Variants in IKZF2 observed in about 807,000 individuals in gnomAD.
The protein encoded by IKZF2 is zinc finger protein Helios.
IKZF2 carries 15 observed loss-of-function variants against 49.2 expected under a neutral mutation model. That is an observed-to-expected ratio of 0.30 (90% CI 0.20 to 0.47). The LOEUF is 0.47. Among genes scored for constraint, IKZF2 ranks in the 20% least tolerant of loss-of-function variants. The probability of loss-of-function intolerance (pLI) is 1.00; values close to 1 mark genes in which losing one functional copy is unlikely to be tolerated. For synonymous variants in IKZF2, 227 were observed against 221.4 expected, an observed-to-expected ratio of 1.03 and a Z score of -0.23; for missense variants, 567 against 664.6, an observed-to-expected ratio of 0.85 and a Z score of 1.61.
intron 5 of IKZF2, among the ~76,000 whole-genome samples, chr2:213,052,159 T>C (rs1465085157): frequency 6.6e-6 from 1 of 152,038 alleles, no homozygotes. Context: ...CAAATCTTTT[T>C]AATAAGAAAT....
chr2:213,015,121 T>C (rs1564610), intron 7 of IKZF2: 85,291 of 151,738 alleles, frequency 0.56, 24,789 homozygotes, highest in East Asian at 0.81. Flanking sequence ...CACAATTCAG[T>C]TGATGTATTT....
At chr2:213,019,332 C>A (rs1171893011) in intron 7 of IKZF2, among the ~76,000 whole-genome samples, 3 of 152,110 alleles carry the variant, frequency 2.0e-5, no homozygotes, top group Non-Finnish European at 4.4e-5. Flanking sequence ...AAATAACATA[C>A]AGCAAGAGAA....
chr2:213,055,425 T>C (rs1439906983), intron 5 of IKZF2, among the ~76,000 whole-genome samples: 2 of 151,602 alleles, frequency 1.3e-5, no homozygotes, highest in Non-Finnish European at 2.9e-5. Context: ...AATATAAATA[T>C]TTTTAAAACA....
At chr2:213,038,523 C>T (rs140044161) in intron 6 of IKZF2, among the ~76,000 whole-genome samples, 3 of 151,646 alleles carry the variant, frequency 2.0e-5, no homozygotes, top group Non-Finnish European at 4.4e-5. Flanking sequence ...TTATACAAAA[C>T]ATTTTGCATG....
intron 6 of IKZF2, among the ~76,000 whole-genome samples, chr2:213,027,831 T>C (rs1436115027): frequency 7.2e-5 from 11 of 152,154 alleles, no homozygotes; most frequent in Non-Finnish European, 1.5e-4. Flanking sequence ...CAGTTTGTCC[T>C]TGATGTTCTG....
upstream of IKZF2, chr2:213,152,079 GC>G (rs898060781): frequency 2.0e-5 from 3 of 152,156 alleles, no homozygotes; most frequent in African/African-American, 7.2e-5. Context: ...TTCCGAGTGT[GC>G]CACGGCGACC....
intron 4 of IKZF2, among the ~76,000 whole-genome samples, chr2:213,093,363 T>G (rs1705572697): frequency 6.6e-6 from 1 of 152,124 alleles, no homozygotes; most frequent in South Asian, 2.1e-4. Flanking sequence ...GTGAACATAT[T>G]ATAAAAGCCA....
At chr2:213,014,622 A>G (rs930847931) in intron 7 of IKZF2, 12 of 152,044 alleles carry the variant, frequency 7.9e-5, no homozygotes, top group African/African-American at 1.2e-4. Flanking sequence ...TACTGCCCTA[A>G]TTCATTTGAC....
At chr2:213,088,204 G>A (rs576909835) in intron 4 of IKZF2, among the ~76,000 whole-genome samples, 239 of 152,296 alleles carry the variant, frequency 1.6e-3, no homozygotes, top group Middle Eastern at 6.8e-3. Flanking sequence ...CATTCTAACT[G>A]GTGTGAGATG....
At chr2:213,010,459 G>A (rs1433588567) in intron 8 of IKZF2, among the ~76,000 whole-genome samples, 1 of 152,062 alleles carries the variant, frequency 6.6e-6, no homozygotes, top group Non-Finnish European at 1.5e-5. Flanking sequence ...CCAAGGGAAT[G>A]TGCTGATCTG....
chr2:213,089,093 TC>T (rs1167879394), intron 4 of IKZF2, among the ~76,000 whole-genome samples: 3 of 152,216 alleles, frequency 2.0e-5, no homozygotes, highest in African/African-American at 7.2e-5. Flanking sequence ...GGAATGACTC[TC>T]AAGCTTCACC....
At chr2:213,031,735 C>T (rs1348228761) in intron 6 of IKZF2, among the ~76,000 whole-genome samples, 2 of 152,124 alleles carry the variant, frequency 1.3e-5, no homozygotes, top group Non-Finnish European at 2.9e-5. Flanking sequence ...TATTTTATTG[C>T]TTATTTTGAA....
At chr2:213,069,243 G>C (rs1702455296) in intron 4 of IKZF2, among the ~76,000 whole-genome samples, 1 of 152,048 alleles carries the variant, frequency 6.6e-6, no homozygotes, top group South Asian at 2.1e-4. Context: ...CAGCTACCTT[G>C]ATCCCTGTGA....
chr2:213,023,081 G>T (rs1262191344), intron 6 of IKZF2, among the ~76,000 whole-genome samples: 1 of 152,138 alleles, frequency 6.6e-6, no homozygotes, highest in Non-Finnish European at 1.5e-5. Context: ...ACCCCAGGTG[G>T]TCTGTGCCAA....
chr2:213,129,859 G>C (rs2060415257), intron 4 of IKZF2, among the ~76,000 whole-genome samples: 1 of 152,176 alleles, frequency 6.6e-6, no homozygotes, highest in Non-Finnish European at 1.5e-5. Flanking sequence ...TAGAAGCAGA[G>C]CCAAGGATTT....
intron 6 of IKZF2, among the ~76,000 whole-genome samples, chr2:213,028,657 A>G (rs1383165280): frequency 6.6e-6 from 1 of 152,146 alleles, no homozygotes; most frequent in East Asian, 1.9e-4. Flanking sequence ...CTAAATTCCA[A>G]TGTCCAACTG....
At chr2:213,024,301 A>ATTTT (rs1697552523) in intron 6 of IKZF2, among the ~76,000 whole-genome samples, 1 of 152,170 alleles carries the variant, frequency 6.6e-6, no homozygotes, top group African/African-American at 2.4e-5. Flanking sequence ...TGCTCTGGAG[A>ATTTT]CAATCTATCC....
At chr2:213,146,777 G>A (rs971302301) in intron 4 of IKZF2, among the ~76,000 whole-genome samples, 10 of 141,372 alleles carry the variant, frequency 7.1e-5, no homozygotes, top group African/African-American at 2.1e-4. Flanking sequence ...GGGAAGGAAA[G>A]AGAATGCCTT....
rs971888028 is a variant in IKZF2 at position 213,000,111 on chromosome 2, G to A, written c.*7249C>T. On this transcript the variant is annotated 3_prime_UTR_variant, in exon 9 of 9. Transcript: ENST00000434687. The stretch of plus-strand genomic sequence containing the variant: ...AAATCAGTATGTAGTAGAGTGACTT[G>A]TCACACAGCTGCAAAGACTGTTTCA... The A allele has an allele frequency of 6.6e-5, 10 of 151,930 alleles. No individual in the cohort carries two copies. Among genetic ancestry groups the A allele is most frequent in the African/African-American group, 1.9e-4 (8 of 41,442 alleles). 9.4% of individuals were successfully genotyped at this position (151,930 alleles called of 1,614,324 possible). A position where few individuals can be genotyped will look rare whatever the true frequency, so the allele number is the denominator to read the frequency against.
Sources: allele counts gnomAD v4.1 joint callset (sites outside exome capture counted in the v4.1 genomes callset), GRCh38; gene constraint gnomAD v4.1.1; transcripts MANE v1.5; gene names NCBI Gene and HGNC (gene_info 2026-07-23, HGNC 2026-07-21).